Variants in NEO1 observed in about 807,000 individuals in gnomAD.
NEO1 encodes the protein neogenin 1.
A neutral mutation model predicts 159.7 loss-of-function variants in NEO1; 63 were observed. The observed-to-expected ratio is 0.39, with a 90% CI of 0.32 to 0.49. NEO1 has a LOEUF of 0.49. Among genes scored for constraint, NEO1 ranks in the 20% least tolerant of loss-of-function variants. NEO1 has a pLI of 0.85. For synonymous variants in NEO1, 633 were observed against 662.0 expected (o/e 0.96, Z 0.67); for missense variants, 1,615 against 1,831.0 (o/e 0.88, Z 2.15).
chr15:73,095,321 T>TA (rs566036562), intron 1 of NEO1, among the ~76,000 whole-genome samples: 26 of 152,100 alleles, frequency 1.7e-4, no homozygotes, highest in African/African-American at 5.6e-4. Flanking sequence ...AAAAAAGAAT[T>TA]AAAAAAATAA....
chr15:73,137,299 GA>G (rs780778005), intron 5 of NEO1, among the ~76,000 whole-genome samples: 1 of 151,722 alleles, frequency 6.6e-6, no homozygotes, highest in Non-Finnish European at 1.5e-5. Context: ...AAGGAGATAA[GA>G]AAAATATTTG....
At chr15:73,273,760 A>G in intron 19 of NEO1, 51 bp from the exon 20 acceptor site, 1 of 1,465,306 alleles carries the variant, frequency 6.8e-7, no homozygotes, top group South Asian at 1.3e-5. Flanking sequence ...TACTGAAGGC[A>G]AAAGGAAAAG....
intron 4 of NEO1, among the ~76,000 whole-genome samples, chr15:73,130,238 T>C (rs1459367246): frequency 6.6e-6 from 1 of 151,938 alleles, no homozygotes; most frequent in Non-Finnish European, 1.5e-5. Context: ...CCTCCCAAAA[T>C]GCTGGGATTA....
At chr15:73,081,813 TC>T (rs1388941988) in intron 1 of NEO1, among the ~76,000 whole-genome samples, 1 of 151,144 alleles carries the variant, frequency 6.6e-6, no homozygotes, top group East Asian at 1.9e-4. Flanking sequence ...TGTCTCAGCC[TC>T]CCAAAGTGCT....
chr15:73,200,089 C>G (rs1257711421), intron 7 of NEO1, among the ~76,000 whole-genome samples: 2 of 152,092 alleles, frequency 1.3e-5, no homozygotes, highest in African/African-American at 4.8e-5. Context: ...TCTGTTTTCT[C>G]GAAAAGATTG....
At chr15:73,276,470 C>G (rs1481243517) in intron 21 of NEO1, among the ~76,000 whole-genome samples, 1 of 152,182 alleles carries the variant, frequency 6.6e-6, no homozygotes, top group Non-Finnish European at 1.5e-5. Context: ...TGAGGAACAA[C>G]TGGACTCTTA....
At chr15:73,097,927 T>A (rs1380077193) in intron 1 of NEO1, among the ~76,000 whole-genome samples, 2 of 152,032 alleles carry the variant, frequency 1.3e-5, no homozygotes, top group African/African-American at 4.8e-5. Flanking sequence ...ACCTATTTTT[T>A]AAAGTAGTAA....
At chr15:73,298,743 G>A in intron 27 of NEO1, 132 bp downstream of exon 27, 1 of 1,298,706 alleles carries the variant, frequency 7.7e-7, no homozygotes, top group Non-Finnish European at 1.0e-6. Context: ...TAGCAATTCT[G>A]TTAGCGTAGC....
At chr15:73,182,691 C>T (rs193157985) in intron 7 of NEO1, among the ~76,000 whole-genome samples, 363 of 152,184 alleles carry the variant, frequency 2.4e-3, no homozygotes, top group Admixed American at 4.1e-3. Context: ...ATCATCATGT[C>T]GTGAGATTTA....
intron 5 of NEO1, among the ~76,000 whole-genome samples, chr15:73,156,063 C>T (rs2033749387): frequency 6.6e-6 from 1 of 152,180 alleles, no homozygotes; most frequent in South Asian, 2.1e-4. Flanking sequence ...TTCTGTGCAT[C>T]TGGAGTAACA....
In NEO1 at chr15:73,293,537, C is replaced by G; in HGVS notation, c.3890C>G (p.Ala1297Gly). The change falls in exon 26 of 29, where the codon GCC (alanine) becomes GGC (glycine). Residue 1297 changes from alanine (A) to glycine (G), a missense_variant. Ala to Gly is a moderately conservative substitution (Grantham distance 60, BLOSUM62 0). Coordinates refer to ENST00000261908, the MANE Select transcript of NEO1 (RefSeq NM_002499.4). ...IGTSMSLSDR[A>G]NSTESVRNTP... is the part of the protein sequence containing the mutation. ...ACATCCATGTCCCTTTCAGACAGGG[C>G]CAATTCCACAGGTGAGAGATGAGGA... is the stretch of plus-strand genomic sequence containing the variant. 1 of 1,614,080 alleles carries G rather than the reference C, an allele frequency of 6.2e-7. No homozygotes were observed.
intron 7 of NEO1, among the ~76,000 whole-genome samples, chr15:73,224,645 A>G (rs968970786): frequency 6.6e-6 from 1 of 152,076 alleles, no homozygotes; most frequent in African/African-American, 2.4e-5. Context: ...AAGTGTGTCC[A>G]ATGTTTCCAG....
At chr15:73,113,814 A>G (rs1233661696) in intron 1 of NEO1, among the ~76,000 whole-genome samples, 3 of 152,004 alleles carry the variant, frequency 2.0e-5, no homozygotes, top group African/African-American at 7.3e-5. Context: ...ATATATATAT[A>G]TATTTTTCAG....
chr15:73,300,239 C>G (rs1418478829), intron 27 of NEO1, among the ~76,000 whole-genome samples: 1 of 152,170 alleles, frequency 6.6e-6, no homozygotes, highest in African/African-American at 2.4e-5. Flanking sequence ...TTCCAAAATC[C>G]TGATTTTTAC....
chr15:73,300,746 T>C (rs1169524200), intron 27 of NEO1, among the ~76,000 whole-genome samples: 1 of 152,220 alleles, frequency 6.6e-6, no homozygotes, highest in Non-Finnish European at 1.5e-5. Context: ...AAAAGACAGC[T>C]GTCATACTTT....
intron 7 of NEO1, among the ~76,000 whole-genome samples, chr15:73,212,694 T>C (rs113658034): frequency 2.9e-4 from 44 of 151,838 alleles, no homozygotes; most frequent in African/African-American, 9.7e-4. Context: ...AAAGATAACA[T>C]GTATAGGAAA....
intron 7 of NEO1, among the ~76,000 whole-genome samples, chr15:73,209,399 G>A (rs2037423687): frequency 6.6e-6 from 1 of 152,154 alleles, no homozygotes; most frequent in Admixed American, 6.5e-5. Flanking sequence ...ATAGCCTAGT[G>A]TTATTGTTGT....
At chr15:73,118,032 C>T (rs993341383) in intron 2 of NEO1, among the ~76,000 whole-genome samples, 9 of 152,066 alleles carry the variant, frequency 5.9e-5, no homozygotes, top group Admixed American at 2.6e-4. Context: ...GCCTCTACAA[C>T]GTCACTTAGG....
intron 5 of NEO1, among the ~76,000 whole-genome samples, chr15:73,140,854 A>T (rs1313639683): frequency 1.3e-5 from 2 of 152,256 alleles, no homozygotes. Flanking sequence ...TACTATATAT[A>T]TGTAATTACA....
Sources: gnomAD v4.1 joint callset for allele counts (sites outside exome capture counted in the v4.1 genomes callset) on GRCh38, gnomAD v4.1.1 for gene constraint, MANE v1.5 for transcripts, NCBI Gene and HGNC (gene_info 2026-07-23, HGNC 2026-07-21) for gene names.